The following CORIN variants were observed in gnomAD, a reference collection of about 807,000 sequenced individuals.
The protein encoded by CORIN is corin, serine peptidase, also known as atrial natriuretic peptide-converting enzyme.
CORIN carries 117 observed loss-of-function variants against 125.3 expected under a neutral mutation model. That is an observed-to-expected ratio of 0.93 (90% CI 0.80 to 1.09). The LOEUF is 1.09. Ranked by LOEUF, CORIN falls within the 50% of genes least tolerant of loss-of-function variation. CORIN has a pLI of 0.00. For missense variants in CORIN, 1,253 were observed against 1,306.7 expected, an observed-to-expected ratio of 0.96 and a Z score of 0.63; for synonymous variants, 450 against 466.4, an observed-to-expected ratio of 0.96 and a Z score of 0.45.
chr4:47,784,449 A>G (rs949069773), intron 3 of CORIN, among the ~76,000 whole-genome samples: 2 of 152,206 alleles, frequency 1.3e-5, no homozygotes, highest in Non-Finnish European at 2.9e-5. Flanking sequence ...TTCACAAGCA[A>G]TGTTCCAATC....
intron 3 of CORIN, among the ~76,000 whole-genome samples, chr4:47,780,404 C>T (rs944461013): frequency 1.3e-5 from 2 of 152,008 alleles, no homozygotes; most frequent in Non-Finnish European, 2.9e-5. Flanking sequence ...ATCATAATCA[C>T]ATTCATACAT....
intron 3 of CORIN, among the ~76,000 whole-genome samples, chr4:47,770,502 G>A (rs1253517410): frequency 1.3e-5 from 2 of 152,142 alleles, no homozygotes; most frequent in African/African-American, 2.4e-5. Context: ...ATTACAAAAC[G>A]ATCCAACAAC....
intron 14 of CORIN, among the ~76,000 whole-genome samples, 197 bp downstream of exon 14, chr4:47,644,884 T>C (rs1473370056): frequency 6.6e-6 from 1 of 152,242 alleles, no homozygotes; most frequent in Non-Finnish European, 1.5e-5. Flanking sequence ...GCCAGAAGAA[T>C]ATTATAGTGT....
intron 4 of CORIN, among the ~76,000 whole-genome samples, chr4:47,762,691 G>A (rs948827157): frequency 6.6e-6 from 1 of 152,156 alleles, no homozygotes; most frequent in Non-Finnish European, 1.5e-5. Flanking sequence ...ATGAGATTTA[G>A]TTGAGATTCT....
chr4:47,674,341 G>C, intron 10 of CORIN, 52 bp downstream of exon 10: 1 of 1,220,252 alleles, frequency 8.2e-7, no homozygotes, highest in South Asian at 1.2e-5. Context: ...GAAGAAAAAT[G>C]CTGAATGCAT....
At chr4:47,762,629 T>G (rs952591816) in intron 4 of CORIN, among the ~76,000 whole-genome samples, 1 of 152,182 alleles carries the variant, frequency 6.6e-6, no homozygotes, top group African/African-American at 2.4e-5. Flanking sequence ...ACCCAACATC[T>G]ATGTATGGTT....
chr4:47,618,153 G>T (rs1036709910), intron 19 of CORIN, among the ~76,000 whole-genome samples: 3 of 151,760 alleles, frequency 2.0e-5, no homozygotes, highest in Non-Finnish European at 4.4e-5. Flanking sequence ...TGACCAACAT[G>T]GTGAAATCCC....
intron 2 of CORIN, among the ~76,000 whole-genome samples, chr4:47,791,874 G>A (rs1021691784): frequency 6.6e-6 from 1 of 152,278 alleles, no homozygotes; most frequent in African/African-American, 2.4e-5. Flanking sequence ...TATTTAGTAA[G>A]AGGTCCTTAC....
chr4:47,731,542 T>G (rs1023269803), intron 5 of CORIN, among the ~76,000 whole-genome samples: 1 of 151,860 alleles, frequency 6.6e-6, no homozygotes, highest in African/African-American at 2.4e-5. Context: ...GGAAGTCAGG[T>G]GAAGAGTTTA....
chr4:47,777,897 A>G (rs1730368385), intron 3 of CORIN, among the ~76,000 whole-genome samples: 1 of 152,216 alleles, frequency 6.6e-6, no homozygotes, highest in African/African-American at 2.4e-5. Flanking sequence ...AATACTTAAA[A>G]CCTGAGACAG....
chr4:47,619,600 C>A (rs571509437), intron 19 of CORIN, among the ~76,000 whole-genome samples: 1 of 152,190 alleles, frequency 6.6e-6, no homozygotes, highest in African/African-American at 2.4e-5. Context: ...TTTCATGAAA[C>A]TTACCAAGGC....
At chr4:47,662,391 C>T (rs761721181) in intron 11 of CORIN, among the ~76,000 whole-genome samples, 1 of 152,104 alleles carries the variant, frequency 6.6e-6, no homozygotes, top group Non-Finnish European at 1.5e-5. Context: ...AGGACTCCTT[C>T]CAAACCCACT....
intron 10 of CORIN, among the ~76,000 whole-genome samples, chr4:47,668,226 A>T (rs1480957513): frequency 6.6e-6 from 1 of 152,248 alleles, no homozygotes; most frequent in Non-Finnish European, 1.5e-5. Context: ...TTGTTACAAG[A>T]TTTAAAAATG....
At chr4:47,754,782 A>G (rs551007675) in intron 4 of CORIN, among the ~76,000 whole-genome samples, 1 of 152,254 alleles carries the variant, frequency 6.6e-6, no homozygotes, top group African/African-American at 2.4e-5. Context: ...TGCAAACTCA[A>G]CTTAGTAAAC....
At chr4:47,724,205 A>G (rs931208393) in intron 5 of CORIN, among the ~76,000 whole-genome samples, 2 of 152,140 alleles carry the variant, frequency 1.3e-5, no homozygotes, top group Admixed American at 6.5e-5. Flanking sequence ...AAGAAATAGC[A>G]GCTATGGAAG....
At chr4:47,730,033 G>A (rs1727795369) in intron 5 of CORIN, among the ~76,000 whole-genome samples, 1 of 152,072 alleles carries the variant, frequency 6.6e-6, no homozygotes, top group South Asian at 2.1e-4. Context: ...CTCATCCTTG[G>A]AGCTCACGTG....
Position 47,665,209 on chromosome 4 carries a change from G to T in CORIN, c.1412C>A (p.Thr471Lys), listed in dbSNP as rs867337911. 1.1e-5 allele frequency: 18 copies of T among 1,613,906 alleles called. No individual in the cohort carries two copies. Among genetic ancestry groups the T allele is most frequent in the African/African-American group, 2.7e-5 (2 of 74,926 alleles). ...GTGGCCAAAATAATTTGGATAACTTGTACTGTTGTAGGGCAAATTCATGCA... is the reference window on the plus strand; with the variant it reads ...GTGGCCAAAATAATTTGGATAACTTTTACTGTTGTAGGGCAAATTCATGCA... Reference protein sequence around the residue: ...ELCMNLPYNSTSYPNYFGHRT... With the variant: ...ELCMNLPYNSKSYPNYFGHRT... The change falls in exon 11 of 22, where the codon ACA becomes AAA. Residue 471 changes from threonine to lysine, a missense_variant. Transcript: ENST00000273857.
intron 13 of CORIN, among the ~76,000 whole-genome samples, chr4:47,650,933 T>C (rs1217484151): frequency 6.6e-6 from 1 of 152,206 alleles, no homozygotes; most frequent in Non-Finnish European, 1.5e-5. Flanking sequence ...CAACTCTTGT[T>C]TACATTGGCA....
chr4:47,823,367 A>G lies in CORIN; in HGVS notation c.63+14520T>C, dbSNP rs1732605015. ...CCTTGCATCACCCTTGGAATCAGCC[A>G]TTTCTCCAAGGATCCTGGTTCCTTT... is the stretch of plus-strand genomic sequence containing the variant. On this transcript the variant is annotated intron_variant, in intron 1 of 21. Transcript: ENST00000273857. Among the ~76,000 whole-genome samples the G allele has an allele frequency of 2.6e-5, 4 of 152,088 alleles. No homozygotes were observed. In the South Asian group the frequency reaches 8.3e-4, roughly 32 times the overall value.
Sources: gnomAD v4.1 joint callset for allele counts (sites outside exome capture counted in the v4.1 genomes callset) on GRCh38, gnomAD v4.1.1 for gene constraint, MANE v1.5 for transcripts, NCBI Gene and HGNC (gene_info 2026-07-23, HGNC 2026-07-21) for gene names.